The following PIGN variants were observed in gnomAD, a reference collection of about 807,000 sequenced individuals.
PIGN encodes the protein phosphatidylinositol glycan anchor biosynthesis class N.
In PIGN, 117 loss-of-function variants were observed where a neutral mutation model predicts 125.4. The observed-to-expected ratio is 0.93, with a 90% CI of 0.80 to 1.09. PIGN has a LOEUF of 1.09. PIGN is among the 50% of genes least tolerant of loss of function. The probability of loss-of-function intolerance (pLI) is 0.00; values close to 1 mark genes in which losing one functional copy is unlikely to be tolerated. For synonymous variants in PIGN, 392 were observed against 377.8 expected, an observed-to-expected ratio of 1.04 and a Z score of -0.44; for missense variants, 1,075 against 1,094.9, an observed-to-expected ratio of 0.98 and a Z score of 0.26.
rs1350823126 is a variant in PIGN at position 62,072,681 on chromosome 18, A to C, written c.2664T>G (p.Ile888Met). ...LVKDYGSWLD[I>M]GTSISHYVIV... ...GACCATATATACTATACCTTGTCCCAATATCAAGCCAGCTGCCATAATCCT... is the reference window on the plus strand; with the variant it reads ...GACCATATATACTATACCTTGTCCCCATATCAAGCCAGCTGCCATAATCCT... Residue 888 changes from isoleucine (I) to methionine (M), a missense_variant, in exon 30 of 31, where the codon ATT becomes ATG. Physicochemically the swap from Ile to Met is conservative, Grantham distance 10. This residue lies in a region of PIGN where 915 missense variants were observed against 908.7 expected (regional missense o/e 1.01). Coordinates refer to ENST00000640252, the MANE Select transcript of PIGN (RefSeq NM_176787.5). 6.2e-7 allele frequency: 1 copy of C among 1,607,234 alleles called. No individual in the cohort carries two copies. Among genetic ancestry groups the C allele is most frequent in the African/African-American group, 1.3e-5 (1 of 74,730 alleles).
In PIGN at chr18:62,072,733, A is replaced by AAG; in HGVS notation, c.2620-9_2620-8insCT. 4 of 1,576,844 alleles carry AAG rather than the reference A, an allele frequency of 2.5e-6. No individual in the cohort carries two copies. The highest frequency in any genetic ancestry group is 2.6e-6 in the Non-Finnish European group (3 of 1,163,844). Reference sequence around the variant, plus strand: ...GACCAAGAAGAAAAAATGCTGTAAAAAAAAAAAAAGGCTTAATGAAAAACA... The same window carrying AAG: ...GACCAAGAAGAAAAAATGCTGTAAAAAGAAAAAAAAAGGCTTAATGAAAAACA... On this transcript the variant is annotated splice_polypyrimidine_tract_variant and intron_variant, in intron 29 of 30. Coordinates refer to ENST00000640252, the MANE Select transcript of PIGN (RefSeq NM_176787.5).
chr18:62,030,145 T>C (rs1172305719), intron 23 of PIGN, among the ~76,000 whole-genome samples: 1 of 152,202 alleles, frequency 6.6e-6, no homozygotes, highest in Non-Finnish European at 1.5e-5. Context: ...GAATGTCGGT[T>C]AGCATTACAT....
At chr18:62,179,553 G>A (rs1009618423) in intron 1 of PIGN, among the ~76,000 whole-genome samples, 1 of 152,110 alleles carries the variant, frequency 6.6e-6, no homozygotes, top group Admixed American at 6.6e-5. Flanking sequence ...AGACCAGCCT[G>A]GGCAATGTGG....
At chr18:62,147,196 GA>G in intron 8 of PIGN, 95 bp from the exon 9 acceptor site, 2 of 1,366,724 alleles carry the variant, frequency 1.5e-6, no homozygotes, top group Non-Finnish European at 2.0e-6. Flanking sequence ...AGTAACTTCT[GA>G]AATGCTTTTA....
At chr18:62,173,090 GAT>G (rs1306466312) in intron 1 of PIGN, among the ~76,000 whole-genome samples, 1 of 152,160 alleles carries the variant, frequency 6.6e-6, no homozygotes, top group Non-Finnish European at 1.5e-5. Context: ...AAGAGACAAA[GAT>G]ATATTTTCCT....
intron 1 of PIGN, among the ~76,000 whole-genome samples, chr18:62,181,802 C>T (rs981145107): frequency 6.6e-6 from 1 of 152,176 alleles, no homozygotes; most frequent in Non-Finnish European, 1.5e-5. Context: ...TCTCGGCTCA[C>T]TGCAACCTCC....
chr18:62,079,703 T>C (rs1032839713), intron 28 of PIGN, among the ~76,000 whole-genome samples: 1 of 149,504 alleles, frequency 6.7e-6, no homozygotes, highest in Non-Finnish European at 1.5e-5. Context: ...CTGGTAGATA[T>C]GATAACTGTA....
At chr18:62,095,569 A>G (rs1463578665) in intron 23 of PIGN, among the ~76,000 whole-genome samples, 1 of 152,196 alleles carries the variant, frequency 6.6e-6, no homozygotes, top group Non-Finnish European at 1.5e-5. Flanking sequence ...TTCCACAATC[A>G]GAATTTTTTA....
intron 14 of PIGN, among the ~76,000 whole-genome samples, chr18:62,133,087 GA>G (rs1688724952): frequency 1.3e-5 from 2 of 152,152 alleles, no homozygotes; most frequent in African/African-American, 2.4e-5. Flanking sequence ...TAAATTACAT[GA>G]GATATTCAAT....
Position 62,146,026 on chromosome 18 carries a change from C to G in PIGN, c.806-1G>C. The stretch of plus-strand genomic sequence containing the variant: ...GAAGGATGACCAGCCCCATGGGAAC[C>G]TACAAATAAGATATAAAGAATAATA... On this transcript the variant is annotated splice_acceptor_variant, in intron 9 of 30. Transcript: ENST00000640252. LOFTEE classifies it high-confidence loss of function. 1 of 1,399,096 alleles carries G rather than the reference C, an allele frequency of 7.1e-7. No homozygotes were observed. Among genetic ancestry groups the G allele is most frequent in the Non-Finnish European group, 9.9e-7 (1 of 1,008,364 alleles). The allele number at this position is 1,399,096 out of a possible 1,614,324, so 86.7% of individuals were successfully genotyped here.
intron 30 of PIGN, 125 bp from the exon 31 acceptor site, chr18:62,046,104 C>T: frequency 1.1e-6 from 1 of 940,394 alleles, no homozygotes; most frequent in Non-Finnish European, 1.6e-6. Flanking sequence ...AGTGGGTGTT[C>T]TTTACCTTAT....
At chr18:62,128,345 T>C (rs894766245) in intron 14 of PIGN, among the ~76,000 whole-genome samples, 5 of 152,118 alleles carry the variant, frequency 3.3e-5, no homozygotes, top group African/African-American at 1.2e-4. Flanking sequence ...TGGTAAAAAG[T>C]ATAAACAAAG....
chr18:62,146,068 A>T (rs763021111), intron 9 of PIGN, 43 bp from the exon 10 acceptor site: 43 of 818,786 alleles, frequency 5.3e-5, no homozygotes. Flanking sequence ...ATATAGAAGA[A>T]CTAACTTACA....
chr18:62,041,648 TGTG>T lies in PIGN; in HGVS notation c.*4205_*4207del, dbSNP rs2030383622. On this transcript the variant is annotated 3_prime_UTR_variant, in exon 31 of 31. Transcript: ENST00000640252. ...AGCCTACCACCCCGCCGGGTGTGTG[TGTG>T]TGTGTGTGTGTGTGTGTGTGTGTGT... 5 of 110,710 alleles carry T rather than the reference TGTG, an allele frequency of 4.5e-5. No homozygotes were observed. The highest frequency in any genetic ancestry group is 1.7e-4 in the African/African-American group (5 of 29,590). 6.9% of individuals were successfully genotyped at this position (110,710 alleles called of 1,614,324 possible).
At chr18:62,142,117 C>T (rs1189786917) in intron 11 of PIGN, among the ~76,000 whole-genome samples, 2 of 152,196 alleles carry the variant, frequency 1.3e-5, no homozygotes, top group Non-Finnish European at 2.9e-5. Context: ...TGTATTTGTA[C>T]AACAGACTGA....
At chr18:62,153,867 A>T (rs2036624310) in intron 7 of PIGN, 1 of 152,180 alleles carries the variant, frequency 6.6e-6, no homozygotes, top group African/African-American at 2.4e-5. Flanking sequence ...AAGAAGTATC[A>T]ATCAAAGCTT....
At chr18:62,107,249 A>G (rs956680896) in intron 17 of PIGN, among the ~76,000 whole-genome samples, 164 bp from the exon 18 acceptor site, 32 of 151,288 alleles carry the variant, frequency 2.1e-4, no homozygotes, top group African/African-American at 7.8e-4. Context: ...TTATTTACCT[A>G]TTTTTTTTTA....
chr18:62,135,249 T>A (rs901003807), intron 14 of PIGN, among the ~76,000 whole-genome samples: 1 of 152,198 alleles, frequency 6.6e-6, no homozygotes, highest in Non-Finnish European at 1.5e-5. Context: ...TGTTTTTAGG[T>A]TTGGTTCTGT....
chr18:62,128,295 T>C (rs1599586290), intron 14 of PIGN, among the ~76,000 whole-genome samples: 1 of 152,166 alleles, frequency 6.6e-6, no homozygotes, highest in Non-Finnish European at 1.5e-5. Flanking sequence ...AACTGAGGAC[T>C]TTCAGAGATA....
Sources: gnomAD v4.1 joint callset for allele counts (sites outside exome capture counted in the v4.1 genomes callset) on GRCh38, gnomAD v4.1.1 for gene constraint, gnomAD v4.1.1 regional missense constraint, MANE v1.5 for transcripts, NCBI Gene and HGNC (gene_info 2026-07-23, HGNC 2026-07-21) for gene names.